The following ARHGEF3 variants were observed in gnomAD, a reference collection of about 807,000 sequenced individuals.
ARHGEF3 encodes 59.8 kDA protein.
A neutral mutation model predicts 63.2 loss-of-function variants in ARHGEF3; 28 were observed. That is an observed-to-expected ratio of 0.44 (90% CI 0.33 to 0.61). ARHGEF3 has a LOEUF of 0.61. Among genes scored for constraint, ARHGEF3 ranks in the 20% least tolerant of loss-of-function variants. The pLI, the probability that ARHGEF3 is intolerant of heterozygous loss-of-function variation, is 0.03. For synonymous variants in ARHGEF3, 266 were observed against 254.2 expected, an observed-to-expected ratio of 1.05 and a Z score of -0.44; for missense variants, 533 against 659.3, an observed-to-expected ratio of 0.81 and a Z score of 2.10.
intron 1 of ARHGEF3, among the ~76,000 whole-genome samples, chr3:57,043,190 A>T (rs1704300921): frequency 6.6e-6 from 1 of 151,004 alleles, no homozygotes. Flanking sequence ...ATCTCAGCTC[A>T]CTTACAACCT....
At chr3:57,076,799 T>C (rs1168364381) in intron 1 of ARHGEF3, 4 of 152,278 alleles carry the variant, frequency 2.6e-5, no homozygotes, top group African/African-American at 9.7e-5. Context: ...GTGCACCCGC[T>C]GTATGCCATG....
intron 1 of ARHGEF3, among the ~76,000 whole-genome samples, chr3:57,044,761 T>C (rs1399605897): frequency 2.0e-5 from 3 of 152,092 alleles, no homozygotes; most frequent in Admixed American, 2.0e-4. Context: ...GAAAATCAGA[T>C]CCCAGATCCC....
chr3:56,881,844 A>T (rs945085535), intron 4 of ARHGEF3, among the ~76,000 whole-genome samples: 1 of 152,236 alleles, frequency 6.6e-6, no homozygotes, highest in South Asian at 2.1e-4. Flanking sequence ...CTTGATTCAA[A>T]CTAAGATCTG....
At chr3:56,864,289 A>G (rs1356719157) in intron 4 of ARHGEF3, among the ~76,000 whole-genome samples, 1 of 152,216 alleles carries the variant, frequency 6.6e-6, no homozygotes. Flanking sequence ...ACCACCTACC[A>G]GCTGCATTTG....
chr3:57,067,580 A>T (rs1451231981), intron 1 of ARHGEF3, among the ~76,000 whole-genome samples: 1 of 150,998 alleles, frequency 6.6e-6, no homozygotes, highest in East Asian at 1.9e-4. Context: ...CACACCTGTA[A>T]TCCCAGCACA....
intron 3 of ARHGEF3, among the ~76,000 whole-genome samples, chr3:56,892,100 C>T (rs188788439): frequency 1.2e-3 from 182 of 152,260 alleles, no homozygotes; most frequent in African/African-American, 3.9e-3. Flanking sequence ...ACCCTGATGG[C>T]TAACAAGCAG....
At chr3:57,026,656 G>A (rs1278183015) in intron 2 of ARHGEF3, among the ~76,000 whole-genome samples, 1 of 152,154 alleles carries the variant, frequency 6.6e-6, no homozygotes, top group South Asian at 2.1e-4. Flanking sequence ...CAGGGCCGGG[G>A]GAGCATCCTC....
chr3:56,786,240 T>A (rs781581409), intron 1 of ARHGEF3, among the ~76,000 whole-genome samples: 1 of 152,174 alleles, frequency 6.6e-6, no homozygotes, highest in Non-Finnish European at 1.5e-5. Context: ...AAATTGGAAA[T>A]AAATTTTTAA....
chr3:56,753,371 C>A, intron 4 of ARHGEF3, 133 bp downstream of exon 4: 1 of 728,854 alleles, frequency 1.4e-6, no homozygotes, highest in South Asian at 1.9e-5. Flanking sequence ...ACACTTTCCC[C>A]ACTGCTTGGT....
chr3:57,073,472 C>G, intron 1 of ARHGEF3: 1 of 606,688 alleles, frequency 1.6e-6, no homozygotes, highest in Non-Finnish European at 2.6e-6. Context: ...ACAGCAGAAG[C>G]AAAGATGTGA....
Position 56,732,435 on chromosome 3 carries a change from A to G in ARHGEF3, c.1042-11T>C, listed in dbSNP as rs1420359966. 6.2e-7 allele frequency: 1 copy of G among 1,614,012 alleles called. No homozygotes were observed. Among genetic ancestry groups the G allele is most frequent in the Non-Finnish European group, 8.5e-7 (1 of 1,179,968 alleles). On this transcript the variant is annotated splice_polypyrimidine_tract_variant and intron_variant, in intron 8 of 9. Transcript: ENST00000296315. ...GAAAACATGCAGTTTCTAGAAGAAA[A>G]AAATCCACAAGCTTTCATTAAGCAA...
intron 2 of ARHGEF3, among the ~76,000 whole-genome samples, chr3:56,763,608 T>C (rs2035543385): frequency 6.6e-6 from 1 of 152,126 alleles, no homozygotes. Context: ...ACATGCAGAG[T>C]TAAGTGAGAG....
At chr3:56,959,242 T>C (rs1700174439) in intron 2 of ARHGEF3, among the ~76,000 whole-genome samples, 1 of 152,222 alleles carries the variant, frequency 6.6e-6, no homozygotes, top group South Asian at 2.1e-4. Flanking sequence ...TCAGGAGATG[T>C]ATAGCTTCAG....
chr3:57,018,018 G>A (rs186496287), intron 2 of ARHGEF3, among the ~76,000 whole-genome samples: 49 of 152,178 alleles, frequency 3.2e-4, no homozygotes, highest in African/African-American at 1.0e-3. Flanking sequence ...AGTGGCTCAC[G>A]CTGTAATCCC....
chr3:57,000,342 A>ACACC (rs1209734613), intron 2 of ARHGEF3, among the ~76,000 whole-genome samples: 7 of 146,150 alleles, frequency 4.8e-5, no homozygotes, highest in African/African-American at 1.2e-4. Flanking sequence ...ACACACACAC[A>ACACC]CCTTAAGCAT....
intron 4 of ARHGEF3, among the ~76,000 whole-genome samples, chr3:56,850,134 C>T (rs2108143027): frequency 6.6e-6 from 1 of 152,282 alleles, no homozygotes; most frequent in Non-Finnish European, 1.5e-5. Flanking sequence ...CCACATCATC[C>T]ATCACATGTA....
intron 3 of ARHGEF3, among the ~76,000 whole-genome samples, chr3:56,911,566 G>T (rs2041853638): frequency 6.6e-6 from 1 of 152,052 alleles, no homozygotes; most frequent in Admixed American, 6.6e-5. Flanking sequence ...CGAGTCACAC[G>T]TCTGAGTGTT....
intron 1 of ARHGEF3, among the ~76,000 whole-genome samples, chr3:57,067,788 G>C (rs370638597): frequency 6.6e-6 from 1 of 150,460 alleles, no homozygotes; most frequent in African/African-American, 2.4e-5. Flanking sequence ...GAGACCATTG[G>C]CTAACACGGT....
chr3:56,920,913 GGC>G (rs1251515685), intron 3 of ARHGEF3, among the ~76,000 whole-genome samples: 2 of 151,972 alleles, frequency 1.3e-5, no homozygotes, highest in African/African-American at 4.8e-5. Flanking sequence ...AAATTAGCCA[GGC>G]GTGGTGGCGG....
Sources: gnomAD v4.1 joint callset for allele counts (sites outside exome capture counted in the v4.1 genomes callset) on GRCh38, gnomAD v4.1.1 for gene constraint, MANE v1.5 for transcripts, NCBI Gene and HGNC (gene_info 2026-07-23, HGNC 2026-07-21) for gene names.